The following GCA variants were observed in gnomAD, a reference collection of about 807,000 sequenced individuals.
GCA encodes the protein grancalcin, also known as grancalcin, EF-hand calcium-binding protein.
GCA carries 30 observed loss-of-function variants against 32.6 expected under a neutral mutation model. The observed-to-expected ratio is 0.92, with a 90% CI of 0.69 to 1.25. The LOEUF is 1.25. GCA is among the 50% of genes most tolerant of loss of function. The probability of loss-of-function intolerance (pLI) is 0.00; values close to 1 mark genes in which losing one functional copy is unlikely to be tolerated. For synonymous variants in GCA, 102 were observed against 84.6 expected (o/e 1.21, Z -1.13); for missense variants, 291 against 266.8 (o/e 1.09, Z -0.63).
At chr2:162,373,737 G>T (rs1412653390), downstream of GCA, 4 of 1,011,098 alleles carry the variant, frequency 4.0e-6, no homozygotes, top group Admixed American at 7.7e-5. Context: ...AAAAATTTCA[G>T]CACTACCAAG....
chr2:162,358,562 G>GT (rs1393200784), intron 5 of GCA, among the ~76,000 whole-genome samples: 3 of 151,234 alleles, frequency 2.0e-5, no homozygotes, highest in Non-Finnish European at 4.5e-5. Context: ...ATGTTTTTCT[G>GT]TTTTTTTCCC....
At chr2:162,353,190 C>A (rs2105332139) in intron 3 of GCA, among the ~76,000 whole-genome samples, 1 of 152,188 alleles carries the variant, frequency 6.6e-6, no homozygotes, top group Non-Finnish European at 1.5e-5. Context: ...AAAAATACGG[C>A]CAGGCGCCGT....
chr2:162,350,689 C>A (rs1399121583), intron 2 of GCA, among the ~76,000 whole-genome samples: 1 of 152,066 alleles, frequency 6.6e-6, no homozygotes, highest in African/African-American at 2.4e-5. Context: ...TTTTAATTGT[C>A]AGCAATAAAT....
chr2:162,333,966 T>C (rs565424627), intron 1 of GCA, among the ~76,000 whole-genome samples: 1 of 152,352 alleles, frequency 6.6e-6, no homozygotes, highest in East Asian at 1.9e-4. Flanking sequence ...GGCCAATTAC[T>C]GCCTAAGGCT....
downstream of GCA, chr2:162,373,501 T>C (rs79262587): frequency 9.3e-3 from 14,550 of 1,570,160 alleles, 88 homozygotes; most frequent in Non-Finnish European, 0.011. Context: ...TCGGTCAGTT[T>C]TGATGGATGC....
chr2:162,365,916 A>C (rs1170401265), downstream of GCA, among the ~76,000 whole-genome samples: 1 of 151,596 alleles, frequency 6.6e-6, no homozygotes, highest in Non-Finnish European at 1.5e-5. Flanking sequence ...TGATCCTTTA[A>C]TTTTACCCCT....
At chr2:162,353,631 C>T (rs2105333387) in intron 3 of GCA, among the ~76,000 whole-genome samples, 1 of 152,270 alleles carries the variant, frequency 6.6e-6, no homozygotes, top group Admixed American at 6.5e-5. Flanking sequence ...TCTAGCGTCC[C>T]TTGTTGCATT....
In GCA at chr2:162,360,472, T is replaced by A. The variant is rs570752132; in HGVS notation, c.*229T>A. On this transcript the variant is annotated 3_prime_UTR_variant, in exon 8 of 8. Coordinates refer to ENST00000437150, the MANE Select transcript of GCA (RefSeq NM_012198.5). ...AAGTTATTTTATAAATATGTGCATA[T>A]TGTCATAAAATATTGTATGATTAAT... The A allele has an allele frequency of 5.9e-6, 6 of 1,012,476 alleles. No individual in the cohort carries two copies. In the South Asian group the frequency reaches 1.5e-4, roughly 25 times the overall value. 62.7% of individuals were successfully genotyped at this position (1,012,476 alleles called of 1,614,324 possible). A position where few individuals can be genotyped will look rare whatever the true frequency, so the allele number is the denominator to read the frequency against.
intron 2 of GCA, among the ~76,000 whole-genome samples, chr2:162,348,036 A>G (rs993134285): frequency 3.9e-5 from 6 of 152,168 alleles, no homozygotes; most frequent in Admixed American, 3.9e-4. Context: ...AAATTCTTCT[A>G]CAAGGGGCTC....
At chr2:162,323,235 A>G (rs1296771311) in intron 1 of GCA, among the ~76,000 whole-genome samples, 1 of 151,392 alleles carries the variant, frequency 6.6e-6, no homozygotes, top group Non-Finnish European at 1.5e-5. Flanking sequence ...CATGTCCTTC[A>G]CCCACTTTTT....
downstream of GCA, chr2:162,373,668 G>A: frequency 6.8e-7 from 1 of 1,461,564 alleles, no homozygotes; most frequent in Non-Finnish European, 9.1e-7. Context: ...CAAGCCTACA[G>A]AACAGACAGA....
intron 3 of GCA, among the ~76,000 whole-genome samples, chr2:162,353,613 C>A (rs1685108539): frequency 6.6e-6 from 1 of 152,162 alleles, no homozygotes; most frequent in Non-Finnish European, 1.5e-5. Flanking sequence ...AGGTATTGCT[C>A]CATTGTTTCT....
At chr2:162,352,604 A>G (rs896757627) in intron 3 of GCA, among the ~76,000 whole-genome samples, 197 bp downstream of exon 3, 2 of 152,196 alleles carry the variant, frequency 1.3e-5, no homozygotes, top group African/African-American at 4.8e-5. Context: ...TTAACTGCTC[A>G]TAGAGGACAC....
chr2:162,359,282 ATTAGT>A (rs1685450299), intron 6 of GCA, 125 bp downstream of exon 6: 2 of 674,114 alleles, frequency 3.0e-6, no homozygotes, highest in African/African-American at 1.9e-5. Flanking sequence ...GTTAAATCTA[ATTAGT>A]TTAAAGGCTT....
intron 1 of GCA, among the ~76,000 whole-genome samples, chr2:162,321,913 T>C (rs1481604259): frequency 1.7e-5 from 2 of 118,428 alleles, no homozygotes; most frequent in African/African-American, 7.5e-5. Context: ...TATATATATA[T>C]ATATATATAT....
chr2:162,364,173 T>C (rs1292968179), downstream of GCA, among the ~76,000 whole-genome samples: 1 of 151,534 alleles, frequency 6.6e-6, no homozygotes, highest in Non-Finnish European at 1.5e-5. Context: ...TATGTACAGA[T>C]ACGTACATAC....
intron 4 of GCA, 79 bp from the exon 5 acceptor site, chr2:162,356,679 C>T (rs1576296840): frequency 1.8e-6 from 2 of 1,112,790 alleles, no homozygotes; most frequent in Admixed American, 2.0e-5. Context: ...TCTACAGAAG[C>T]ATACTCATGT....
At chr2:162,364,948 C>T (rs13389236), downstream of GCA, among the ~76,000 whole-genome samples, 24,616 of 151,380 alleles carry the variant, frequency 0.16, 5,429 homozygotes, top group African/African-American at 0.49. Flanking sequence ...AAATATTATG[C>T]TTCTTTAATT....
chr2:162,341,267 T>A (rs1340163868), upstream of GCA, among the ~76,000 whole-genome samples: 75 of 116,260 alleles, frequency 6.5e-4, no homozygotes, highest in Non-Finnish European at 1.4e-4. Flanking sequence ...CTTATTTATT[T>A]TATATATATA....
Sources: allele counts gnomAD v4.1 joint callset (sites outside exome capture counted in the v4.1 genomes callset), GRCh38; gene constraint gnomAD v4.1.1; transcripts MANE v1.5; gene names NCBI Gene and HGNC (gene_info 2026-07-23, HGNC 2026-07-21).